LARGE1: variants seen among roughly 807,000 people sequenced by gnomAD.
The protein encoded by LARGE1 is LARGE xylosyl- and glucuronyltransferase 1.
LARGE1 carries 43 observed loss-of-function variants against 87.6 expected under a neutral mutation model. The observed-to-expected ratio is 0.49, with a 90% CI of 0.38 to 0.63. The LOEUF (loss-of-function observed/expected upper bound fraction) is 0.63. Ranked by LOEUF, LARGE1 falls within the 30% of genes least tolerant of loss-of-function variation. The pLI is 0.00. For synonymous variants in LARGE1, 434 were observed against 394.6 expected, an observed-to-expected ratio of 1.10 and a Z score of -1.18; for missense variants, 802 against 1,000.2, an observed-to-expected ratio of 0.80 and a Z score of 2.67.
intron 6 of LARGE1, among the ~76,000 whole-genome samples, chr22:33,508,867 A>C (rs1180026927): frequency 6.6e-6 from 1 of 152,220 alleles, no homozygotes; most frequent in Admixed American, 6.5e-5. Flanking sequence ...CCCAGAGTGA[A>C]TTCAAATGGT....
At chr22:33,471,446 G>A (rs908752680) in intron 6 of LARGE1, among the ~76,000 whole-genome samples, 1 of 152,206 alleles carries the variant, frequency 6.6e-6, no homozygotes. Flanking sequence ...TATAACTGTT[G>A]CTTTTATGTG....
chr22:33,689,167 C>CTCTCT (rs1555998591), intron 2 of LARGE1, among the ~76,000 whole-genome samples: 5 of 129,374 alleles, frequency 3.9e-5, no homozygotes, highest in South Asian at 2.4e-4. Context: ...CTCTCTCTCT[C>CTCTCT]CCCCCTCCTG....
chr22:33,329,315 A>G (rs1937502728), intron 10 of LARGE1, among the ~76,000 whole-genome samples: 1 of 151,228 alleles, frequency 6.6e-6, no homozygotes, highest in Non-Finnish European at 1.5e-5. Flanking sequence ...TGTCCAGTGT[A>G]TTTTTTTTTT....
intron 6 of LARGE1, among the ~76,000 whole-genome samples, chr22:33,457,694 TA>T (rs1447995249): frequency 4.6e-5 from 7 of 151,334 alleles, no homozygotes; most frequent in Admixed American, 4.6e-4. Flanking sequence ...TGCAAAAGAG[TA>T]ATTTTTTTTG....
chr22:33,176,851 T>C (rs1464337854), intron 11 of LARGE1, among the ~76,000 whole-genome samples: 1 of 152,184 alleles, frequency 6.6e-6, no homozygotes, highest in Admixed American at 6.5e-5. Context: ...TAAAGACACA[T>C]GTACATGTAT....
chr22:33,656,701 C>CGT, intron 2 of LARGE1, among the ~76,000 whole-genome samples: 1 of 152,214 alleles, frequency 6.6e-6, no homozygotes, highest in East Asian at 1.9e-4. Flanking sequence ...TCATGCAATA[C>CGT]GTGTGTGTGT....
At chr22:33,071,123 C>A in the LARGE1 span, among the ~76,000 whole-genome samples, 1 of 152,214 alleles carries the variant, frequency 6.6e-6, no homozygotes, top group South Asian at 2.1e-4. Context: ...ATCATGCAGC[C>A]TCTGACAAAT....
In LARGE1 at chr22:33,498,292, A is replaced by G. The variant is rs114008125; in HGVS notation, c.788-66027T>C. On this transcript the variant is annotated intron_variant, in intron 6 of 14. Transcript: ENST00000397394. ...GGTTCAGATTTAACTTTTTTTGCAA[A>G]TTGCAAGATTTCCTTTAGCCTCAAA... Among the ~76,000 whole-genome samples, 1,268 of 152,104 alleles carry G rather than the reference A, an allele frequency of 8.3e-3. 19 individuals are homozygous for G. The highest frequency in any genetic ancestry group is 0.029 in the African/African-American group (1,187 of 41,504).
At chr22:33,126,568 T>C in the LARGE1 span, among the ~76,000 whole-genome samples, 3 of 152,240 alleles carry the variant, frequency 2.0e-5, no homozygotes, top group South Asian at 2.1e-4. Context: ...GAAGAGATCA[T>C]GGATTTGGAA....
chr22:33,872,359 C>CTAT (rs3072360), intron 1 of LARGE1, among the ~76,000 whole-genome samples: 7,767 of 142,698 alleles, frequency 0.054, 249 homozygotes, highest in East Asian at 0.094. Flanking sequence ...TAAATGCTAT[C>CTAT]TATTATTATT....
chr22:33,793,949 AAT>A (rs2085900252), intron 1 of LARGE1, among the ~76,000 whole-genome samples: 1 of 152,022 alleles, frequency 6.6e-6, no homozygotes, highest in African/African-American at 2.4e-5. Flanking sequence ...TTTCCAAAAG[AAT>A]ATGTTTTCAT....
At chr22:33,164,042 C>T (rs1922135319) in exon 12 of LARGE1, 1 of 152,210 alleles carries the variant, frequency 6.6e-6, no homozygotes, top group African/African-American at 2.4e-5. Flanking sequence ...TATAGGTCGC[C>T]TTTCTCCCTG....
intron 1 of LARGE1, among the ~76,000 whole-genome samples, chr22:33,896,524 T>C (rs1376690769): frequency 6.6e-6 from 1 of 152,230 alleles, no homozygotes; most frequent in African/African-American, 2.4e-5. Context: ...TCCAGTGGCT[T>C]GGGAGCCTGT....
chr22:33,226,825 G>A lies in LARGE1; in HGVS notation c.1731-59993C>T, dbSNP rs541210276. 2.4e-3 allele frequency among the ~76,000 whole-genome samples: 359 copies of A among 151,990 alleles called. 1 individual carries two copies. The highest frequency in any genetic ancestry group is 3.9e-3 in the Non-Finnish European group (265 of 67,972). ...GCTCACTGCAAGCTCCACCTCCCAG[G>A]TTCACGCCATTCTCCTGCCTCAGCC... On this transcript the variant is annotated intron_variant, in intron 11 of 11. Transcript: ENST00000608642.
At position 33,305,964 on chromosome 22, in the gene LARGE1, G is replaced by A. The variant is rs567705027; in HGVS notation, c.1452-1457C>T. ...CGCCATTCTCCTGCCTCAGCCTCCC[G>A]AGTAGCTGGGATTACAGCCGCCCGC... On this transcript the variant is annotated intron_variant, in intron 11 of 14. Transcript: ENST00000397394. 3.3e-5 allele frequency among the ~76,000 whole-genome samples: 5 copies of A among 150,452 alleles called. No individual in the cohort carries two copies. In the South Asian group the frequency reaches 6.3e-4, roughly 19 times the overall value.
chr22:33,893,523 G>GA (rs2065057801), intron 1 of LARGE1, among the ~76,000 whole-genome samples: 1 of 152,142 alleles, frequency 6.6e-6, no homozygotes, highest in African/African-American at 2.4e-5. Flanking sequence ...GATGCTATAG[G>GA]AAAAAACAGA....
At chr22:33,352,779 A>C (rs551867112) in intron 9 of LARGE1, among the ~76,000 whole-genome samples, 140 of 152,252 alleles carry the variant, frequency 9.2e-4, no homozygotes, top group African/African-American at 3.1e-3. Context: ...CCACCAAAAA[A>C]AAGATGTTAA....
At chr22:33,488,913 C>T (rs1213861857) in intron 6 of LARGE1, among the ~76,000 whole-genome samples, 5 of 152,220 alleles carry the variant, frequency 3.3e-5, no homozygotes, top group Non-Finnish European at 5.9e-5. Flanking sequence ...AAAAACTTCA[C>T]AAAGCACTCC....
chr22:33,311,493 A>T (rs1309307936), intron 11 of LARGE1, among the ~76,000 whole-genome samples: 1 of 152,182 alleles, frequency 6.6e-6, no homozygotes, highest in Non-Finnish European at 1.5e-5. Context: ...AGAAAAGGGA[A>T]ATTAATATTT....
Sources: allele counts gnomAD v4.1 joint callset (sites outside exome capture counted in the v4.1 genomes callset), GRCh38; gene constraint gnomAD v4.1.1; transcripts MANE v1.5; gene names NCBI Gene and HGNC (gene_info 2026-07-23, HGNC 2026-07-21).